NEO1: variants seen among roughly 807,000 people sequenced by gnomAD.
The protein encoded by NEO1 is neogenin.
A neutral mutation model predicts 159.7 loss-of-function variants in NEO1; 63 were observed. That is an observed-to-expected ratio of 0.39 (90% CI 0.32 to 0.49). The LOEUF is 0.49. Among genes scored for constraint, NEO1 ranks in the 20% least tolerant of loss-of-function variants. The pLI is 0.85. For synonymous variants in NEO1, 633 were observed against 662.0 expected (o/e 0.96, Z 0.67); for missense variants, 1,615 against 1,831.0 (o/e 0.88, Z 2.15).
rs1394017297 is a variant in NEO1, at chr15:73,052,692, G to A, written c.17G>A (p.Gly6Glu). MAAER[G>E]ARRLLSTPSF... ...GGGGAAGAGATGGCGGCGGAGCGGGGAGCCCGGCGACTCCTCAGCACCCCC... is the reference window on the plus strand; with the variant it reads ...GGGGAAGAGATGGCGGCGGAGCGGGAAGCCCGGCGACTCCTCAGCACCCCC... The change falls in exon 1 of 29, where the codon GGA becomes GAA. Residue 6 changes from glycine to glutamate, a missense_variant. Physicochemically the swap from Gly to Glu is moderately conservative, Grantham distance 98. Around this residue, in one of 3 missense-constraint regions of NEO1, gnomAD observed 1,018 missense variants for 1,115.4 expected, o/e 0.91. Coordinates refer to ENST00000261908, the MANE Select transcript of NEO1 (RefSeq NM_002499.4). 3 of 1,357,410 alleles carry A rather than the reference G, an allele frequency of 2.2e-6. No homozygotes were observed. In the East Asian group the frequency reaches 1.0e-4, roughly 45 times the overall value. 84.1% of individuals were successfully genotyped at this position (1,357,410 alleles called of 1,614,324 possible). A position where few individuals can be genotyped will look rare whatever the true frequency, so the allele number is the denominator to read the frequency against.
chr15:73,056,730 C>T (rs1468051829), intron 1 of NEO1, among the ~76,000 whole-genome samples: 1 of 152,138 alleles, frequency 6.6e-6, no homozygotes, highest in African/African-American at 2.4e-5. Flanking sequence ...TTCAGCCACT[C>T]TTCACATTAC....
chr15:73,274,081 T>C (rs773787042), intron 20 of NEO1, 76 bp downstream of exon 20: 20 of 1,366,854 alleles, frequency 1.5e-5, no homozygotes, highest in Non-Finnish European at 2.0e-5. Context: ...CTTGAGCATA[T>C]AGAGTCTGTG....
intron 20 of NEO1, 129 bp from the exon 21 acceptor site, chr15:73,274,563 T>C: frequency 1.2e-6 from 1 of 857,466 alleles, no homozygotes; most frequent in Non-Finnish European, 1.9e-6. Flanking sequence ...AGTACTAAAG[T>C]CAAGTTTCAG....
intron 8 of NEO1, among the ~76,000 whole-genome samples, chr15:73,239,805 G>A (rs955007070): frequency 6.6e-6 from 1 of 152,226 alleles, no homozygotes; most frequent in African/African-American, 2.4e-5. Context: ...GTTAAGCAGT[G>A]CATGACTGTA....
In NEO1 at chr15:73,273,902, A is replaced by G; in HGVS notation, c.3057A>G (p.Ile1019Met). ...TGGGAAACAGACTGACTCACCAGATACAAGAGTTAACTCTTGACACACCAT... is the reference window on the plus strand; with the variant it reads ...TGGGAAACAGACTGACTCACCAGATGCAAGAGTTAACTCTTGACACACCAT... ...PVVGNRLTHQ[I>M]QELTLDTPYY... Residue 1019 changes from isoleucine (I) to methionine (M), a missense_variant, in exon 20 of 29, where the codon ATA becomes ATG. Coordinates refer to ENST00000261908, the MANE Select transcript of NEO1 (RefSeq NM_002499.4). The G allele has an allele frequency of 6.2e-7, 1 of 1,614,108 alleles. No homozygotes were observed. The highest frequency in any genetic ancestry group is 1.7e-5 in the Admixed American group (1 of 60,028).
chr15:73,155,880 T>G (rs1389404526), intron 5 of NEO1, among the ~76,000 whole-genome samples: 2 of 152,264 alleles, frequency 1.3e-5, no homozygotes, highest in African/African-American at 4.8e-5. Context: ...GTACTGGTTT[T>G]CAGATTTCTC....
At chr15:73,053,718 GA>G (rs2067572017) in intron 1 of NEO1, among the ~76,000 whole-genome samples, 1 of 152,180 alleles carries the variant, frequency 6.6e-6, no homozygotes, top group Non-Finnish European at 1.5e-5. Context: ...TGTTGAGCAG[GA>G]TACACTCAGC....
chr15:73,129,867 C>G (rs2030853892), intron 4 of NEO1, among the ~76,000 whole-genome samples: 1 of 152,088 alleles, frequency 6.6e-6, no homozygotes, highest in Non-Finnish European at 1.5e-5. Flanking sequence ...ATTCCTTTTG[C>G]TAAATACACC....
intron 14 of NEO1, among the ~76,000 whole-genome samples, chr15:73,259,528 T>C (rs2079062438): frequency 6.6e-6 from 1 of 150,660 alleles, no homozygotes; most frequent in Non-Finnish European, 1.5e-5. Context: ...CACTTAGCTA[T>C]TTTTTTTTAG....
intron 15 of NEO1, among the ~76,000 whole-genome samples, chr15:73,263,441 C>T (rs951855411): frequency 6.6e-6 from 1 of 152,122 alleles, no homozygotes; most frequent in African/African-American, 2.4e-5. Flanking sequence ...ATGATCTACC[C>T]ACCTCAGCCT....
At chr15:73,279,084 T>C (rs570015310) in intron 22 of NEO1, among the ~76,000 whole-genome samples, 5 of 152,322 alleles carry the variant, frequency 3.3e-5, no homozygotes, top group Admixed American at 2.0e-4. Context: ...AATCTCCAGC[T>C]ATCTATTTAA....
intron 1 of NEO1, among the ~76,000 whole-genome samples, chr15:73,056,071 ATC>A (rs932935196): frequency 1.3e-5 from 2 of 152,178 alleles, no homozygotes; most frequent in African/African-American, 2.4e-5. Flanking sequence ...CCTACTTAAA[ATC>A]TGTTACTAGT....
At chr15:73,249,435 T>C in intron 10 of NEO1, 148 bp from the exon 11 acceptor site, 1 of 973,990 alleles carries the variant, frequency 1.0e-6, no homozygotes, top group South Asian at 1.9e-5. Flanking sequence ...CAATTTATGA[T>C]TCATCTGCTT....
intron 5 of NEO1, among the ~76,000 whole-genome samples, chr15:73,155,797 C>A (rs2033729738): frequency 6.6e-6 from 1 of 152,142 alleles, no homozygotes; most frequent in Non-Finnish European, 1.5e-5. Flanking sequence ...TTGTTCAGTT[C>A]TAGAATTTGT....
chr15:73,272,253 G>C (rs1384355665), intron 18 of NEO1, among the ~76,000 whole-genome samples: 1 of 152,164 alleles, frequency 6.6e-6, no homozygotes, highest in East Asian at 1.9e-4. Context: ...TATCTTCATA[G>C]TATGGTATTT....
At chr15:73,208,248 A>G (rs2037346210) in intron 7 of NEO1, among the ~76,000 whole-genome samples, 1 of 152,206 alleles carries the variant, frequency 6.6e-6, no homozygotes, top group African/African-American at 2.4e-5. Context: ...TTTAAATAGT[A>G]CGTAGCAAAG....
intron 5 of NEO1, among the ~76,000 whole-genome samples, chr15:73,138,689 G>C (rs1324079762): frequency 2.6e-5 from 4 of 151,168 alleles, no homozygotes; most frequent in Non-Finnish European, 5.9e-5. Flanking sequence ...CTGGGAAGCC[G>C]AGCTTGCAGT....
Position 73,176,417 on chromosome 15 carries a change from C to A in NEO1, c.1030C>A (p.Leu344Met). ...ELTVQAQPEF[L>M]KQPTNIYAHE... ...TTATTTTAAAGCTCAACCTGAATTC[C>A]TGAAGCAGCCTACTAATATATATGC... is the stretch of plus-strand genomic sequence containing the variant. Residue 344 changes from leucine (L) to methionine (M), a missense_variant, in exon 6 of 29, where the codon CTG becomes ATG. Leu to Met is a conservative substitution (Grantham distance 15). This residue lies in a region of NEO1 where 1,018 missense variants were observed against 1,115.4 expected (regional missense o/e 0.91). Coordinates refer to ENST00000261908, the MANE Select transcript of NEO1 (RefSeq NM_002499.4). The A allele has an allele frequency of 1.3e-6, 2 of 1,547,048 alleles. No homozygotes were observed. Among genetic ancestry groups the A allele is most frequent in the Non-Finnish European group, 1.7e-6 (2 of 1,145,468 alleles).
rs894884768 is a variant in NEO1 at position 73,283,193 on chromosome 15, A to C, written c.3410+82A>C. 7 of 1,456,264 alleles carry C rather than the reference A, an allele frequency of 4.8e-6. No individual in the cohort carries two copies. In the Admixed American group the frequency reaches 1.5e-4, roughly 30 times the overall value. 90.2% of individuals were successfully genotyped at this position (1,456,264 alleles called of 1,614,324 possible). A position where few individuals can be genotyped will look rare whatever the true frequency, so the allele number is the denominator to read the frequency against. ...GTGACTTCTGTATATGGAGTGGTAC[A>C]CAAAGTTAAGACATAAAAATACATG... On this transcript the variant is annotated intron_variant, in intron 23 of 28. Coordinates refer to ENST00000261908, the MANE Select transcript of NEO1 (RefSeq NM_002499.4).
Sources: gnomAD v4.1 joint callset for allele counts (sites outside exome capture counted in the v4.1 genomes callset) on GRCh38, gnomAD v4.1.1 for gene constraint, gnomAD v4.1.1 regional missense constraint, MANE v1.5 for transcripts, NCBI Gene and HGNC (gene_info 2026-07-23, HGNC 2026-07-21) for gene names.